KIAA1586: variants seen among roughly 807,000 people sequenced by gnomAD.
KIAA1586 encodes the protein KIAA1586.
Under a neutral mutation model 6.1 loss-of-function variants are expected in KIAA1586, and 5 were observed. The observed-to-expected ratio is 0.82, with a 90% CI of 0.43 to 1.73. The LOEUF is 1.73. Ranked by LOEUF, KIAA1586 falls within the 40% of genes most tolerant of loss-of-function variation. The pLI is 0.02. For synonymous variants in KIAA1586, 280 were observed against 301.7 expected (o/e 0.93, Z 0.75); for missense variants, 899 against 878.2 (o/e 1.02, Z -0.30).
At chr6:57,063,960 AT>A in the KIAA1586 span, among the ~76,000 whole-genome samples, 2 of 152,154 alleles carry the variant, frequency 1.3e-5, no homozygotes, top group African/African-American at 4.8e-5. Context: ...ACAGCATTGG[AT>A]TTTGTTGGAG....
At chr6:57,050,900 A>G in intron 3 of KIAA1586, 46 bp downstream of exon 3, 1 of 1,342,908 alleles carries the variant, frequency 7.4e-7, no homozygotes, top group South Asian at 1.2e-5. Context: ...TATTAAGTGC[A>G]ATAGTGTGTT....
chr6:57,063,454 T>TC, the KIAA1586 span, among the ~76,000 whole-genome samples: 99 of 137,050 alleles, frequency 7.2e-4, no homozygotes, highest in Middle Eastern at 3.6e-3. Context: ...TTATTTCTTT[T>TC]TTTTTTTTTT....
At chr6:57,049,256 T>C (rs888617968) in intron 2 of KIAA1586, among the ~76,000 whole-genome samples, 3 of 152,168 alleles carry the variant, frequency 2.0e-5, no homozygotes, top group African/African-American at 7.2e-5. Context: ...GAGACAACTT[T>C]CCTTTGTAAC....
Position 57,053,374 on chromosome 6 carries a change from CAGAACA to C in KIAA1586, c.876_881del (p.Glu293_His294del), listed in dbSNP as rs1322324811. 1.2e-6 allele frequency: 2 copies of C among 1,610,144 alleles called. No homozygotes were observed. The highest frequency in any genetic ancestry group is 2.2e-5 in the South Asian group (2 of 90,416). On this transcript the variant is annotated inframe_deletion, in exon 4 of 4. Transcript: ENST00000370733. ...ACACGTTACAGTGCAACAAGAATAG[CAGAACA>C]TATTGCAAAAGAAATGAAGATGAAG...
chr6:57,066,748 G>T, the KIAA1586 span, among the ~76,000 whole-genome samples: 1 of 152,156 alleles, frequency 6.6e-6, no homozygotes, highest in African/African-American at 2.4e-5. Flanking sequence ...GGAGATGTGC[G>T]TATGGAGTCT....
At chr6:57,065,011 G>A in the KIAA1586 span, among the ~76,000 whole-genome samples, 1 of 152,088 alleles carries the variant, frequency 6.6e-6, no homozygotes, top group African/African-American at 2.4e-5. Context: ...AGCTTCCACA[G>A]CTCTGTGCTC....
intron 3 of KIAA1586, 22 bp from the exon 4 acceptor site, chr6:57,052,664 C>T: frequency 6.7e-7 from 1 of 1,501,808 alleles, no homozygotes; most frequent in Non-Finnish European, 8.9e-7. Context: ...ATTTTACTTA[C>T]ATATGTAAAA....
Position 57,054,648 on chromosome 6 carries a change from A to G in KIAA1586, c.2149A>G (p.Ile717Val), listed in dbSNP as rs1359470222. 12 of 1,572,994 alleles carry G rather than the reference A, an allele frequency of 7.6e-6. No individual in the cohort carries two copies. Among genetic ancestry groups the G allele is most frequent in the Non-Finnish European group, 1.0e-5 (12 of 1,156,330 alleles). ...AAGGGGTTTCAATTTAATGAACATA[A>G]TTTGTACAAGGGTGAGAAATAGTTT... Reference protein sequence around the residue: ...AERGFNLMNIICTRVRNSLTI... With the variant: ...AERGFNLMNIVCTRVRNSLTI... Residue 717 changes from isoleucine (I) to valine (V), a missense_variant, in exon 4 of 4, where the codon ATT becomes GTT. By Grantham distance (29) the Ile-to-Val change is conservative. Transcript: ENST00000370733.
chr6:57,053,146 A>T lies in KIAA1586; in HGVS notation c.647A>T (p.His216Leu), dbSNP rs755606740. 1.3e-4 allele frequency: 211 copies of T among 1,610,912 alleles called. No individual in the cohort carries two copies. Among genetic ancestry groups the T allele is most frequent in the Non-Finnish European group, 1.7e-4 (202 of 1,179,212 alleles). The change falls in exon 4 of 4, where the codon CAT becomes CTT. Residue 216 changes from histidine (H) to leucine (L), a missense_variant. By Grantham distance (99) the His-to-Leu change is moderately conservative. Coordinates refer to ENST00000370733, the MANE Select transcript of KIAA1586 (RefSeq NM_020931.4). ...KIREHDVSKA[H>L]GKIQDLLKES... ...AGGGAACATGATGTTTCTAAAGCCC[A>T]TGGTAAAATTCAGGATTTGTTAAAG...
At chr6:57,060,495 G>A in the KIAA1586 span, among the ~76,000 whole-genome samples, 1 of 152,120 alleles carries the variant, frequency 6.6e-6, no homozygotes, top group Non-Finnish European at 1.5e-5. Flanking sequence ...GGGAATGGGT[G>A]GTTGGTTAGC....
In KIAA1586 at chr6:57,050,777, G is replaced by A. The variant is rs775880183; in HGVS notation, c.109G>A (p.Gly37Arg). 7.5e-6 allele frequency: 12 copies of A among 1,608,522 alleles called. No homozygotes were observed. The Admixed American group carries it at 1.9e-4, about 25-fold the overall frequency. Reference sequence around the variant, plus strand: ...AATTTGCCCACTTCCTTTTTAGGAAGGACCATCGAGACCTGTTCTTGAATA... The same window carrying A: ...AATTTGCCCACTTCCTTTTTAGGAAAGACCATCGAGACCTGTTCTTGAATA... ...NEDDIQFVSE[G>R]PSRPVLEYID... Residue 37 changes from glycine (G) to arginine (R), a missense_variant, in exon 3 of 4, where the codon GGA (glycine) becomes AGA (arginine). Coordinates refer to ENST00000370733, the MANE Select transcript of KIAA1586 (RefSeq NM_020931.4).
In KIAA1586 at chr6:57,054,855, TTAAAA is replaced by T. The variant is rs748451115; in HGVS notation, c.2359_2363del (p.Lys787GlufsTer31). The T allele has an allele frequency of 3.0e-5, 47 of 1,546,232 alleles. No individual in the cohort carries two copies. In the East Asian group the frequency reaches 6.4e-4, roughly 21 times the overall value. Reference sequence around the variant, plus strand: ...TGAGAATCAATTGGCTATATGGAACTTAAAATAGAATATTGTATACGTTTTTTGTC... The same window carrying T: ...TGAGAATCAATTGGCTATATGGAACTTAGAATATTGTATACGTTTTTTGTC... On this transcript the variant is annotated frameshift_variant, in exon 4 of 4. Coordinates refer to ENST00000370733, the MANE Select transcript of KIAA1586 (RefSeq NM_020931.4). LOFTEE classifies it high-confidence loss of function.
At chr6:57,066,363 T>A in the KIAA1586 span, among the ~76,000 whole-genome samples, 1 of 152,340 alleles carries the variant, frequency 6.6e-6, no homozygotes, top group African/African-American at 2.4e-5. Context: ...TGCTTATCTC[T>A]GGATGCCTTT....
the KIAA1586 span, among the ~76,000 whole-genome samples, chr6:57,063,450 C>CTTTTTTTTTTTTTT: frequency 9.8e-6 from 1 of 102,550 alleles, no homozygotes; most frequent in Non-Finnish European, 1.8e-5. Context: ...TATGTTATTT[C>CTTTTTTTTTTTTTT]TTTTTTTTTT....
rs763092212 is a variant in KIAA1586, at chr6:57,054,360, G to C, written c.1861G>C (p.Asp621His). 1.9e-6 allele frequency: 3 copies of C among 1,606,374 alleles called. No individual in the cohort carries two copies. Among genetic ancestry groups the C allele is most frequent in the East Asian group, 4.5e-5 (2 of 44,778 alleles). ...IQHMNLRLLSDRNHEDIFNYF... is the reference protein window; with the variant it reads ...IQHMNLRLLSHRNHEDIFNYF... ...GCACATGAACCTACGCCTTTTATCTGACAGAAACCATGAAGATATTTTTAA... is the reference window on the plus strand; with the variant it reads ...GCACATGAACCTACGCCTTTTATCTCACAGAAACCATGAAGATATTTTTAA... Residue 621 changes from aspartate (D) to histidine (H), a missense_variant, in exon 4 of 4, where the codon GAC becomes CAC. Coordinates refer to ENST00000370733, the MANE Select transcript of KIAA1586 (RefSeq NM_020931.4).
chr6:57,058,843 A>C (rs1239795266), downstream of KIAA1586, among the ~76,000 whole-genome samples: 1 of 152,234 alleles, frequency 6.6e-6, no homozygotes, highest in Non-Finnish European at 1.5e-5. Flanking sequence ...GTTGCTTTTC[A>C]GTATACTCAG....
At chr6:57,055,811 T>G (rs532088504), downstream of KIAA1586, among the ~76,000 whole-genome samples, 1 of 152,272 alleles carries the variant, frequency 6.6e-6, no homozygotes, top group Non-Finnish European at 1.5e-5. Context: ...TGTTGCAGAT[T>G]TGACAATGAA....
chr6:57,064,132 A>G, the KIAA1586 span, among the ~76,000 whole-genome samples: 9 of 152,324 alleles, frequency 5.9e-5, no homozygotes, highest in Admixed American at 5.2e-4. Flanking sequence ...AATTTCTACC[A>G]GTCAAATAAG....
At chr6:57,056,343 A>C (rs1032245264), downstream of KIAA1586, among the ~76,000 whole-genome samples, 1 of 151,942 alleles carries the variant, frequency 6.6e-6, no homozygotes, top group African/African-American at 2.4e-5. Flanking sequence ...AGTAGCTGGG[A>C]TTACAGGTGT....
Sources: allele counts gnomAD v4.1 joint callset (sites outside exome capture counted in the v4.1 genomes callset), GRCh38; gene constraint gnomAD v4.1.1; transcripts MANE v1.5; gene names NCBI Gene and HGNC (gene_info 2026-07-23, HGNC 2026-07-21).